Variants in RPAP1 observed in about 807,000 individuals in gnomAD.
RPAP1 encodes RNA polymerase II associated protein 1, also known as RNA polymerase II-associated protein 1.
In RPAP1, 109 loss-of-function variants were observed where a neutral mutation model predicts 142.4. The observed-to-expected ratio is 0.77, with a 90% CI of 0.66 to 0.90. The LOEUF (loss-of-function observed/expected upper bound fraction) is 0.90. Among genes scored for constraint, RPAP1 ranks in the 40% least tolerant of loss-of-function variants. The pLI is 0.00. For missense variants in RPAP1, 1,546 were observed against 1,751.7 expected, an observed-to-expected ratio of 0.88 and a Z score of 2.10; for synonymous variants, 704 against 738.9, an observed-to-expected ratio of 0.95 and a Z score of 0.77.
chr15:41,528,316 C>G lies in RPAP1; in HGVS notation c.1179G>C (p.Gln393His). 6.3e-7 allele frequency: 1 copy of G among 1,598,946 alleles called. No individual in the cohort carries two copies. Reference protein sequence around the residue: ...EEAERAGYSLQELFHLTRSQV... With the variant: ...EEAERAGYSLHELFHLTRSQV... Reference sequence around the variant, plus strand: ...GGCTGCGGGTCAGGTGGAACAGCTCCTGTAGGGAATACCCCGCTCTCTGGG... The same window carrying G: ...GGCTGCGGGTCAGGTGGAACAGCTCGTGTAGGGAATACCCCGCTCTCTGGG... Residue 393 changes from glutamine (Q) to histidine (H), a missense_variant, in exon 10 of 25, where the codon CAG becomes CAC. Gln to His is a conservative substitution (Grantham distance 24). Transcript: ENST00000304330.
rs2051723849 is a variant in RPAP1, at chr15:41,521,270, T to C, written c.3039-123A>G. ...ACCTGTGCCTCTCTGCTCCCTTAAC[T>C]ACTTCCCGCGCAGTGCTGTGTAGCA... On this transcript the variant is annotated intron_variant, in intron 21 of 24. Coordinates refer to ENST00000304330, the MANE Select transcript of RPAP1 (RefSeq NM_015540.4). 3 of 950,364 alleles carry C rather than the reference T, an allele frequency of 3.2e-6. No homozygotes were observed. The South Asian group carries it at 6.0e-5, about 19-fold the overall frequency. The allele number at this position is 950,364 out of a possible 1,614,324, so 58.9% of individuals were successfully genotyped here.
intron 6 of RPAP1, 56 bp downstream of exon 6, chr15:41,534,658 A>C: frequency 1.5e-6 from 2 of 1,332,108 alleles, no homozygotes; most frequent in Non-Finnish European, 2.1e-6. Flanking sequence ...AGCCTAGCTC[A>C]ATAAGTGGTA....
In RPAP1 at chr15:41,527,777, C is replaced by G. The variant is rs139124708; in HGVS notation, c.1428+83G>C. On this transcript the variant is annotated intron_variant, in intron 11 of 24. Transcript: ENST00000304330. ...CCATTCTACATCTTGCCCGCAAAGCCTTAGCAATGGGGCCATGCCCAGGAA... is the reference window on the plus strand; with the variant it reads ...CCATTCTACATCTTGCCCGCAAAGCGTTAGCAATGGGGCCATGCCCAGGAA... 1.0e-4 allele frequency: 163 copies of G among 1,561,416 alleles called. No individual in the cohort carries two copies. The African/African-American group carries it at 2.0e-3, about 19-fold the overall frequency.
intron 22 of RPAP1, among the ~76,000 whole-genome samples, chr15:41,519,090 CT>C (rs1307536675): frequency 2.0e-5 from 3 of 152,198 alleles, no homozygotes; most frequent in African/African-American, 4.8e-5. Context: ...TGGTGTCTAG[CT>C]TTCTTGCCCA....
Position 41,524,110 on chromosome 15 carries a change from A to C in RPAP1, c.2220T>G (p.Pro740=), listed in dbSNP as rs780135354. 8.2e-6 allele frequency: 13 copies of C among 1,590,866 alleles called. No homozygotes were observed. The highest frequency in any genetic ancestry group is 1.7e-4 in the Middle Eastern group (1 of 5,960). ...TQLTLAAGST[P]AETISDSAEA... ...CTATAAACTACCTGATGGTTTCAGC[A>C]GGGGTACTGCCGGCTGCCAGGGTTA... Residue 740 remains proline, a synonymous_variant, in exon 16 of 25, where the codon CCT becomes CCG. Coordinates refer to ENST00000304330, the MANE Select transcript of RPAP1 (RefSeq NM_015540.4).
intron 1 of RPAP1, among the ~76,000 whole-genome samples, chr15:41,538,132 A>G (rs1486138922): frequency 6.6e-6 from 1 of 152,030 alleles, no homozygotes; most frequent in Non-Finnish European, 1.5e-5. Context: ...ATTCCCAGCT[A>G]CTCGGGAGGC....
At chr15:41,531,293 G>T in intron 6 of RPAP1, 91 bp from the exon 7 acceptor site, 1 of 1,309,064 alleles carries the variant, frequency 7.6e-7, no homozygotes, top group Non-Finnish European at 1.1e-6. Flanking sequence ...GCCTGTCTGT[G>T]GGTGCCAAGG....
chr15:41,519,310 C>T (rs536591379), intron 22 of RPAP1, among the ~76,000 whole-genome samples: 1 of 152,020 alleles, frequency 6.6e-6, no homozygotes, highest in Admixed American at 6.5e-5. Context: ...TGGGTTCAAG[C>T]GATTCTCCTG....
At chr15:41,542,004 G>A (rs780565797) in intron 1 of RPAP1, among the ~76,000 whole-genome samples, 2 of 152,146 alleles carry the variant, frequency 1.3e-5, no homozygotes, top group African/African-American at 4.8e-5. Flanking sequence ...ATCACATGAC[G>A]GTGTGACCTT....
chr15:41,527,737 G>T, intron 11 of RPAP1, 123 bp downstream of exon 11: 1 of 1,463,540 alleles, frequency 6.8e-7, no homozygotes, highest in South Asian at 1.4e-5. Flanking sequence ...GGAGATGAGG[G>T]AGACGCCTGC....
At chr15:41,524,845 G>A in intron 15 of RPAP1, 146 bp downstream of exon 15, 3 of 783,090 alleles carry the variant, frequency 3.8e-6, no homozygotes, top group Non-Finnish European at 6.0e-6. Flanking sequence ...TGACTCCTAA[G>A]CCTTTTCACA....
Position 41,531,210 on chromosome 15 carries a change from C to A in RPAP1, c.764-8G>T. On this transcript the variant is annotated splice_region_variant and splice_polypyrimidine_tract_variant and intron_variant, in intron 6 of 24. Coordinates refer to ENST00000304330, the MANE Select transcript of RPAP1 (RefSeq NM_015540.4). ...AAGCAACCAAGCTGGGGTCTAGAGG[C>A]GAAGGTAGAGGGGAGAGTGAGTGAG... 1 of 1,606,054 alleles carries A rather than the reference C, an allele frequency of 6.2e-7. No homozygotes were observed.
At chr15:41,538,223 A>T (rs890197971) in intron 1 of RPAP1, among the ~76,000 whole-genome samples, 4 of 152,212 alleles carry the variant, frequency 2.6e-5, no homozygotes, top group African/African-American at 9.7e-5. Context: ...AGCTTGGGCG[A>T]CAGAGTGAGA....
rs1309586460 is a variant in RPAP1, at chr15:41,524,190, G to C, written c.2140C>G (p.Pro714Ala). ...VVPRELSTHP[P>A]QPLSMQRIAS... ...ATCCGCTGCATGGACAGGGGTTGAG[G>C]TGGGTGGGTGCTGAGCTCCCGCGGC... is the stretch of plus-strand genomic sequence containing the variant. The change falls in exon 16 of 25, where the codon CCT (proline) becomes GCT (alanine). Residue 714 changes from proline to alanine, a missense_variant. Physicochemically the swap from Pro to Ala is conservative, Grantham distance 27. Around this residue, in one of 3 missense-constraint regions of RPAP1, gnomAD observed 1,333 missense variants for 1,486.6 expected, o/e 0.90. Coordinates refer to ENST00000304330, the MANE Select transcript of RPAP1 (RefSeq NM_015540.4). 1 of 1,590,574 alleles carries C rather than the reference G, an allele frequency of 6.3e-7. No individual in the cohort carries two copies. Among genetic ancestry groups the C allele is most frequent in the Non-Finnish European group, 8.6e-7 (1 of 1,167,006 alleles).
At chr15:41,536,705 T>G in intron 2 of RPAP1, 56 bp from the exon 3 acceptor site, 1 of 1,584,708 alleles carries the variant, frequency 6.3e-7, no homozygotes, top group Non-Finnish European at 8.6e-7. Context: ...AGGAAGACAC[T>G]GCAGGCTAGG....
chr15:41,525,042 A>AG lies in RPAP1; in HGVS notation c.2023dup (p.Leu675ProfsTer68). The AG allele has an allele frequency of 6.2e-7, 1 of 1,614,064 alleles. No homozygotes were observed. On this transcript the variant is annotated frameshift_variant, in exon 15 of 25. Coordinates refer to ENST00000304330, the MANE Select transcript of RPAP1 (RefSeq NM_015540.4). LOFTEE classifies it high-confidence loss of function. ...GGAGGCAGCCACAGCCCACAGACGGAGGGCCTCGGTGCTCAGCATCTCAGC... is the reference window on the plus strand; with the variant it reads ...GGAGGCAGCCACAGCCCACAGACGGAGGGGCCTCGGTGCTCAGCATCTCAGC...
chr15:41,525,114 C>T lies in RPAP1; in HGVS notation c.1952G>A (p.Arg651His), dbSNP rs139615608. The T allele has an allele frequency of 7.0e-4, 1,136 of 1,612,614 alleles. 1 individual carries two copies. The highest frequency in any genetic ancestry group is 9.2e-4 in the Non-Finnish European group (1,086 of 1,179,430). ...SSFDLRSRLC[R>H]IIAEAPQELA... ...TTCTTGGGGAGCCTCAGCTATGATG[C>T]GGCACAGGCGGCTCCGGAGATCAAA... The change falls in exon 15 of 25, where the codon CGC (arginine) becomes CAC (histidine). Residue 651 changes from arginine (R) to histidine (H), a missense_variant. This residue lies in a region of RPAP1 where 1,333 missense variants were observed against 1,486.6 expected (regional missense o/e 0.90). Coordinates refer to ENST00000304330, the MANE Select transcript of RPAP1 (RefSeq NM_015540.4).
chr15:41,534,841 C>T lies in RPAP1; in HGVS notation c.636G>A (p.Gly212=). The change falls in exon 6 of 25, where the codon GGG becomes GGA. Residue 212 remains glycine, a synonymous_variant. Coordinates refer to ENST00000304330, the MANE Select transcript of RPAP1 (RefSeq NM_015540.4). ...CAGCTTCTTGATCCCTGAGCCCCTT[C>T]CCTGTGACCAGATTGGGTCCCTGAA... ...HSFQGPNLVT[G]KGLRDQEAEQ... The T allele has an allele frequency of 1.2e-6, 2 of 1,614,184 alleles. No individual in the cohort carries two copies. Among genetic ancestry groups the T allele is most frequent in the Non-Finnish European group, 1.7e-6 (2 of 1,180,024 alleles).
intron 11 of RPAP1, 32 bp from the exon 12 acceptor site, chr15:41,527,637 C>T (rs770319772): frequency 6.3e-7 from 1 of 1,584,894 alleles, no homozygotes; most frequent in South Asian, 1.1e-5. Context: ...GGGGGCAATG[C>T]TGAAGGGGCC....
Sources: allele counts gnomAD v4.1 joint callset (sites outside exome capture counted in the v4.1 genomes callset), GRCh38; gene constraint gnomAD v4.1.1; regional missense constraint gnomAD v4.1.1; transcripts MANE v1.5; gene names NCBI Gene and HGNC (gene_info 2026-07-23, HGNC 2026-07-21).